Variants in GRID2 observed in about 807,000 individuals in gnomAD.
GRID2 encodes the protein glutamate ionotropic receptor delta type subunit 2, also known as glutamate receptor ionotropic, delta-2.
In GRID2, 33 loss-of-function variants were observed where a neutral mutation model predicts 114.8. The observed-to-expected ratio is 0.29, with a 90% confidence interval of 0.22 to 0.38. GRID2 has a LOEUF of 0.38. GRID2 is among the 10% of genes least tolerant of loss of function. The pLI is 1.00. For synonymous variants in GRID2, 505 were observed against 449.9 expected, an observed-to-expected ratio of 1.12 and a Z score of -1.55; for missense variants, 1,184 against 1,257.7, an observed-to-expected ratio of 0.94 and a Z score of 0.89.
At chr4:93,526,638 C>T (rs1017194041) in intron 13 of GRID2, among the ~76,000 whole-genome samples, 2 of 152,040 alleles carry the variant, frequency 1.3e-5, no homozygotes, top group Non-Finnish European at 2.9e-5. Flanking sequence ...GGGGAAACCC[C>T]GTCTCTATTA....
chr4:93,730,836 C>G (rs934135723), intron 14 of GRID2, among the ~76,000 whole-genome samples: 1 of 152,196 alleles, frequency 6.6e-6, no homozygotes, highest in African/African-American at 2.4e-5. Context: ...AGGCTCCAAA[C>G]AAAGAGAGCT....
intron 2 of GRID2, among the ~76,000 whole-genome samples, chr4:92,955,525 C>T (rs1229349845): frequency 6.6e-6 from 1 of 151,918 alleles, no homozygotes; most frequent in Non-Finnish European, 1.5e-5. Context: ...AGCCCTTTGT[C>T]AGATGAGTAG....
intron 1 of GRID2, among the ~76,000 whole-genome samples, chr4:92,451,644 C>A (rs1720931395): frequency 6.6e-6 from 1 of 151,940 alleles, no homozygotes. Flanking sequence ...GAAAGGAAAC[C>A]CATTTCACCA....
At chr4:92,915,662 G>C (rs1165293451) in intron 2 of GRID2, among the ~76,000 whole-genome samples, 1 of 152,040 alleles carries the variant, frequency 6.6e-6, no homozygotes, top group Non-Finnish European at 1.5e-5. Flanking sequence ...CATAACAGTG[G>C]AACTAATTTA....
At chr4:93,204,146 A>G (rs1742410439) in intron 4 of GRID2, 1 of 152,092 alleles carries the variant, frequency 6.6e-6, no homozygotes, top group Admixed American at 6.6e-5. Flanking sequence ...CTTTGTATCC[A>G]CTCACTTGTT....
intron 1 of GRID2, among the ~76,000 whole-genome samples, chr4:92,333,859 A>G (rs1426921227): frequency 6.6e-6 from 1 of 152,136 alleles, no homozygotes; most frequent in African/African-American, 2.4e-5. Flanking sequence ...CCTCCTAAGT[A>G]TCTTGGACTA....
chr4:92,840,616 G>T (rs1348100733), intron 2 of GRID2, among the ~76,000 whole-genome samples: 1 of 152,014 alleles, frequency 6.6e-6, no homozygotes, highest in East Asian at 1.9e-4. Context: ...ACGTGAAAAT[G>T]TATAATCTTG....
At chr4:93,139,604 T>C (rs1382875804) in intron 4 of GRID2, among the ~76,000 whole-genome samples, 1 of 152,198 alleles carries the variant, frequency 6.6e-6, no homozygotes, top group Non-Finnish European at 1.5e-5. Flanking sequence ...TTTCTTGGTC[T>C]GTGTCTTTCT....
At chr4:93,804,526 G>A (rs1207592347) in intron 1 of GRID2, among the ~76,000 whole-genome samples, 1 of 152,070 alleles carries the variant, frequency 6.6e-6, no homozygotes, top group African/African-American at 2.4e-5. Flanking sequence ...GTAAAAATAT[G>A]GTGTTAAAAT....
In GRID2 at chr4:93,096,302, G is replaced by A. The variant is rs532373646; in HGVS notation, c.529+11023G>A. On this transcript the variant is annotated intron_variant, in intron 3 of 15. Coordinates refer to ENST00000282020, the MANE Select transcript of GRID2 (RefSeq NM_001510.4). ...ATAAGACATTATCTTCATAACTTCA[G>A]GATATATAAAGATTTCTTAGGTACC... Among the ~76,000 whole-genome samples, 12 of 152,012 alleles carry A rather than the reference G, an allele frequency of 7.9e-5. 1 individual carries two copies. Among genetic ancestry groups the A allele is most frequent in the Non-Finnish European group, 1.6e-4 (11 of 67,928 alleles).
intron 2 of GRID2, among the ~76,000 whole-genome samples, chr4:92,778,589 C>T (rs148878569): frequency 1.4e-4 from 22 of 152,090 alleles, no homozygotes; most frequent in Admixed American, 3.3e-4. Flanking sequence ...ATATACTAAA[C>T]GGTATATATC....
chr4:92,651,472 T>C (rs1731930578), intron 2 of GRID2, among the ~76,000 whole-genome samples: 1 of 152,110 alleles, frequency 6.6e-6, no homozygotes. Flanking sequence ...GGAAAGAGAC[T>C]GACTGGTATC....
intron 5 of GRID2, 89 bp downstream of exon 5, chr4:93,207,546 G>T: frequency 1.3e-6 from 1 of 797,016 alleles, no homozygotes; most frequent in Admixed American, 2.4e-5. Context: ...ATTTTTAAGC[G>T]GAAACAAAAC....
chr4:92,920,823 G>T (rs1455761176), intron 2 of GRID2, among the ~76,000 whole-genome samples: 2 of 152,074 alleles, frequency 1.3e-5, no homozygotes, highest in South Asian at 2.1e-4. Context: ...ACAATTATGT[G>T]TCTTGGAGTT....
chr4:92,940,500 C>A (rs946245952), intron 2 of GRID2, among the ~76,000 whole-genome samples: 21 of 151,942 alleles, frequency 1.4e-4, no homozygotes, highest in African/African-American at 1.7e-4. Context: ...ATATACAATC[C>A]TGTCATCTGC....
At chr4:93,168,410 G>A (rs764592236) in intron 4 of GRID2, among the ~76,000 whole-genome samples, 58 of 151,962 alleles carry the variant, frequency 3.8e-4, no homozygotes, top group Non-Finnish European at 1.2e-4. Flanking sequence ...CTAGCTATAC[G>A]TCTTACTTCA....
intron 1 of GRID2, among the ~76,000 whole-genome samples, chr4:92,525,844 G>C (rs1020706180): frequency 2.6e-5 from 4 of 152,086 alleles, no homozygotes; most frequent in African/African-American, 9.7e-5. Flanking sequence ...AGCATTTGGA[G>C]CCAGAGAGAG....
intron 2 of GRID2, among the ~76,000 whole-genome samples, chr4:92,987,415 T>G (rs1208758799): frequency 6.6e-6 from 1 of 152,016 alleles, no homozygotes; most frequent in Non-Finnish European, 1.5e-5. Context: ...GTTCCTTTGT[T>G]TCAACAACTA....
chr4:92,596,325 C>T (rs1728952277), intron 2 of GRID2, among the ~76,000 whole-genome samples: 1 of 152,008 alleles, frequency 6.6e-6, no homozygotes, highest in South Asian at 2.1e-4. Context: ...TGCCTTGAGT[C>T]TCAATGTCTA....
Sources: allele counts gnomAD v4.1 joint callset (sites outside exome capture counted in the v4.1 genomes callset), GRCh38; gene constraint gnomAD v4.1.1; transcripts MANE v1.5; gene names NCBI Gene and HGNC (gene_info 2026-07-23, HGNC 2026-07-21).